LRMDA: variants seen among roughly 807,000 people sequenced by gnomAD.
LRMDA encodes leucine rich melanocyte differentiation associated.
In LRMDA, 18 loss-of-function variants were observed where a neutral mutation model predicts 29.8. The observed-to-expected ratio is 0.60, with a 90% CI of 0.42 to 0.90. LRMDA has a LOEUF of 0.90. Ranked by LOEUF, LRMDA falls within the 40% of genes least tolerant of loss-of-function variation. The pLI, the probability that LRMDA is intolerant of heterozygous loss-of-function variation, is 0.00. For missense variants in LRMDA, 273 were observed against 273.9 expected (o/e 1.00, Z 0.02); for synonymous variants, 125 against 109.4 (o/e 1.14, Z -0.89).
At chr10:76,170,812 T>TA (rs1331188986) in intron 5 of LRMDA, among the ~76,000 whole-genome samples, 6 of 152,240 alleles carry the variant, frequency 3.9e-5, no homozygotes, top group Non-Finnish European at 7.3e-5. Context: ...CACCTTCTCT[T>TA]ATTTGAAAAT....
chr10:75,591,883 G>GT (rs940159418), intron 2 of LRMDA, among the ~76,000 whole-genome samples: 39 of 152,042 alleles, frequency 2.6e-4, no homozygotes, highest in Non-Finnish European at 1.2e-4. Context: ...GGTGAAAAAC[G>GT]TATCAGTCAA....
intron 6 of LRMDA, among the ~76,000 whole-genome samples, chr10:76,430,148 T>C (rs1024412709): frequency 4.6e-5 from 7 of 152,208 alleles, no homozygotes; most frequent in African/African-American, 1.7e-4. Flanking sequence ...AAGGTATATT[T>C]TCCCCCATCT....
At chr10:76,475,329 A>C (rs1249842507) in intron 6 of LRMDA, among the ~76,000 whole-genome samples, 1 of 151,910 alleles carries the variant, frequency 6.6e-6, no homozygotes, top group Non-Finnish European at 1.5e-5. Flanking sequence ...ATTTTACGCT[A>C]TGTTTATTAT....
At chr10:76,253,430 G>T (rs1852522476) in intron 5 of LRMDA, among the ~76,000 whole-genome samples, 1 of 151,920 alleles carries the variant, frequency 6.6e-6, no homozygotes, top group South Asian at 2.1e-4. Context: ...TGGTCTCACT[G>T]ATCTACCAGC....
intron 5 of LRMDA, among the ~76,000 whole-genome samples, chr10:76,305,643 G>C (rs995986530): frequency 5.9e-5 from 9 of 152,144 alleles, no homozygotes; most frequent in Non-Finnish European, 8.8e-5. Flanking sequence ...GGAGAATAAG[G>C]CTGCTAGAAT....
chr10:76,292,522 C>T (rs1294068890), intron 5 of LRMDA, among the ~76,000 whole-genome samples: 3 of 152,132 alleles, frequency 2.0e-5, no homozygotes, highest in East Asian at 3.8e-4. Context: ...GGATGTGCAG[C>T]ATCTTTGCTC....
intron 2 of LRMDA, among the ~76,000 whole-genome samples, chr10:75,841,084 T>C (rs1294202836): frequency 6.6e-6 from 1 of 152,200 alleles, no homozygotes; most frequent in Non-Finnish European, 1.5e-5. Flanking sequence ...GCAGAATTCA[T>C]AGACCAGAGT....
intron 5 of LRMDA, among the ~76,000 whole-genome samples, chr10:76,183,286 A>T (rs1205409137): frequency 6.6e-6 from 1 of 152,156 alleles, no homozygotes; most frequent in Non-Finnish European, 1.5e-5. Context: ...TATTATTTTA[A>T]TTTTTCCATG....
rs1396831623 is a variant in LRMDA, at chr10:76,363,237, A to AAG, written c.601+38754_601+38755dup. Among the ~76,000 whole-genome samples the AAG allele has an allele frequency of 1.9e-4, 11 of 59,446 alleles. 2 individuals carry two copies. The highest frequency in any genetic ancestry group is 4.0e-4 in the Non-Finnish European group (10 of 24,996). The allele number at this position is 59,446 out of a possible 152,430, so 39.0% of individuals were successfully genotyped here. A position where few individuals can be genotyped will look rare whatever the true frequency, so the allele number is the denominator to read the frequency against. Reference sequence around the variant, plus strand: ...AGGAAGAGAAAGAAAGAAAGAAAGAAAGAAAGAAAGAAAGAAAGAAGGAAG... The same window carrying AAG: ...AGGAAGAGAAAGAAAGAAAGAAAGAAAGAGAAAGAAAGAAAGAAAGAAGGAAG... On this transcript the variant is annotated intron_variant, in intron 6 of 6. Transcript: ENST00000611255.
intron 2 of LRMDA, among the ~76,000 whole-genome samples, chr10:75,511,700 G>T (rs796597844): frequency 6.6e-5 from 10 of 152,242 alleles, no homozygotes; most frequent in African/African-American, 2.4e-4. Context: ...AGGAATCAGA[G>T]GGAGAAAGTT....
chr10:76,046,386 C>T (rs1325110357), intron 3 of LRMDA, among the ~76,000 whole-genome samples: 3 of 152,158 alleles, frequency 2.0e-5, no homozygotes, highest in African/African-American at 4.8e-5. Context: ...CCCCATCATG[C>T]CCCCCTCTGA....
intron 6 of LRMDA, among the ~76,000 whole-genome samples, chr10:76,348,724 AT>A (rs1413295299): frequency 1.2e-4 from 19 of 152,314 alleles, no homozygotes; most frequent in African/African-American, 4.1e-4. Flanking sequence ...ATGATTAGGT[AT>A]TTGCTATGCA....
chr10:76,079,493 A>T (rs1002018000), intron 5 of LRMDA, among the ~76,000 whole-genome samples: 2 of 152,174 alleles, frequency 1.3e-5, no homozygotes, highest in African/African-American at 4.8e-5. Flanking sequence ...TTGTGTGAAG[A>T]GCCCTATGTG....
intron 2 of LRMDA, among the ~76,000 whole-genome samples, chr10:75,573,917 A>C (rs554149345): frequency 6.6e-6 from 1 of 152,172 alleles, no homozygotes; most frequent in East Asian, 1.9e-4. Context: ...TTCAGCTTGG[A>C]GTTCAAATAC....
intron 2 of LRMDA, among the ~76,000 whole-genome samples, chr10:75,827,039 C>T (rs1844258347): frequency 6.6e-6 from 1 of 152,088 alleles, no homozygotes; most frequent in Non-Finnish European, 1.5e-5. Context: ...ATCTGTTGTA[C>T]AGATGATTCT....
chr10:75,797,559 C>T (rs1387362766), intron 2 of LRMDA, among the ~76,000 whole-genome samples: 1 of 152,168 alleles, frequency 6.6e-6, no homozygotes, highest in African/African-American at 2.4e-5. Context: ...TCTATTCCTA[C>T]CCCCAACTCT....
intron 2 of LRMDA, among the ~76,000 whole-genome samples, chr10:75,918,209 C>T (rs1489058885): frequency 1.3e-5 from 2 of 152,164 alleles, no homozygotes; most frequent in Non-Finnish European, 2.9e-5. Flanking sequence ...ACAGTCTAGC[C>T]GTAGAACAGT....
intron 2 of LRMDA, among the ~76,000 whole-genome samples, chr10:75,773,538 CAT>C (rs960509149): frequency 3.3e-5 from 5 of 152,184 alleles, no homozygotes; most frequent in Admixed American, 6.6e-5. Context: ...CTATGAGAAA[CAT>C]GTGGGAAGAG....
chr10:75,538,452 G>A (rs537777434), intron 2 of LRMDA, among the ~76,000 whole-genome samples: 12 of 152,248 alleles, frequency 7.9e-5, no homozygotes, highest in Admixed American at 5.2e-4. Context: ...TTCTATTTGC[G>A]ATTCAAAAGA....
Sources: gnomAD v4.1 joint callset for allele counts (sites outside exome capture counted in the v4.1 genomes callset) on GRCh38, gnomAD v4.1.1 for gene constraint, MANE v1.5 for transcripts, NCBI Gene and HGNC (gene_info 2026-07-23, HGNC 2026-07-21) for gene names.